The following BRCA1 variants were observed in gnomAD, a reference collection of about 807,000 sequenced individuals.
The protein encoded by BRCA1 is BRCA1 DNA repair associated.
A neutral mutation model predicts 173.7 loss-of-function variants in BRCA1; 140 were observed. The observed-to-expected ratio is 0.81, with a 90% CI of 0.70 to 0.93. The LOEUF (loss-of-function observed/expected upper bound fraction) is 0.93, where lower values mean the gene tolerates loss of function less well. BRCA1 is among the 40% of genes least tolerant of loss of function. The pLI is 0.00. For synonymous variants in BRCA1, 662 were observed against 756.0 expected, an observed-to-expected ratio of 0.88 and a Z score of 2.04; for missense variants, 1,983 against 2,172.5, an observed-to-expected ratio of 0.91 and a Z score of 1.73.
chr17:43,112,178 C>T lies in BRCA1; in HGVS notation c.134+3548G>A, dbSNP rs1001613887. On this transcript the variant is annotated intron_variant, in intron 3 of 22. Transcript: ENST00000357654. ...GATCTCAACTCACTGCAGCCTCTGC[C>T]TCCTGGGTTCAAGAGGTTCCTCTGC... 2.0e-5 allele frequency among the ~76,000 whole-genome samples: 3 copies of T among 152,062 alleles called. No individual in the cohort carries two copies. The East Asian group carries it at 5.8e-4, about 29-fold the overall frequency.
At chr17:43,064,635 C>T (rs2051974018) in intron 16 of BRCA1, among the ~76,000 whole-genome samples, 1 of 152,168 alleles carries the variant, frequency 6.6e-6, no homozygotes, top group Non-Finnish European at 1.5e-5. Context: ...AGCAGGCTAT[C>T]TGCAAGCAGC....
intron 1 of BRCA1, chr17:43,164,264 C>T (rs1282235647): frequency 6.6e-6 from 1 of 152,166 alleles, no homozygotes; most frequent in Non-Finnish European, 1.5e-5. Flanking sequence ...GTCCACAGAA[C>T]GTTGGACCAA....
chr17:43,104,385 C>A, intron 5 of BRCA1, 124 bp from the exon 6 acceptor site: 2 of 1,081,228 alleles, frequency 1.8e-6, no homozygotes, highest in Non-Finnish European at 1.3e-6. Flanking sequence ...ATTAAGGTTA[C>A]CTGTGATTTT....
chr17:43,091,272 C>T, intron 10 of BRCA1, 163 bp downstream of exon 10: 1 of 1,026,052 alleles, frequency 9.7e-7, no homozygotes, highest in Non-Finnish European at 1.5e-6. Context: ...GTGTGAAGGA[C>T]TTTTTTCTAT....
chr17:43,151,177 A>G (rs371704637), intron 1 of BRCA1, among the ~76,000 whole-genome samples: 18 of 152,348 alleles, frequency 1.2e-4, no homozygotes, highest in African/African-American at 4.3e-4. Context: ...GACTTTGGGT[A>G]TCTATTTACA....
chr17:43,096,007 C>T, intron 8 of BRCA1, 85 bp from the exon 9 acceptor site: 5 of 1,130,436 alleles, frequency 4.4e-6, no homozygotes, highest in Non-Finnish European at 6.6e-6. Flanking sequence ...AACATTTTAG[C>T]TCTTTCGATT....
At position 43,094,294 on chromosome 17, in the gene BRCA1, A is replaced by G. The variant is rs574008372; in HGVS notation, c.1237T>C (p.Leu413=). ...TCATCTACCTCATTTAGAACGTCCAATACATCAGCTACTTTGGCATTTGAT... is the reference window on the plus strand; with the variant it reads ...TCATCTACCTCATTTAGAACGTCCAGTACATCAGCTACTTTGGCATTTGAT... ...SESNAKVADV[L]DVLNEVDEYS... The change falls in exon 10 of 23, where the codon TTG becomes CTG. Residue 413 remains leucine, a synonymous_variant. Coordinates refer to ENST00000357654, the MANE Select transcript of BRCA1 (RefSeq NM_007294.4). The G allele has an allele frequency of 6.2e-6, 10 of 1,614,148 alleles. No individual in the cohort carries two copies. In the African/African-American group the frequency reaches 1.2e-4, roughly 19 times the overall value.
At chr17:43,125,002 G>A (rs1400821979) in intron 1 of BRCA1, 1 of 377,134 alleles carries the variant, frequency 2.7e-6, no homozygotes, top group Non-Finnish European at 5.4e-6. Flanking sequence ...CGTTTTTAAA[G>A]ACATAGTGTC....
intron 1 of BRCA1, among the ~76,000 whole-genome samples, chr17:43,158,999 G>A (rs1358782748): frequency 1.3e-5 from 2 of 152,200 alleles, no homozygotes; most frequent in East Asian, 3.8e-4. Flanking sequence ...ACTTTGAGAG[G>A]CCAAGGTGGG....
chr17:43,102,859 T>C (rs2054553762), intron 6 of BRCA1, among the ~76,000 whole-genome samples: 1 of 152,084 alleles, frequency 6.6e-6, no homozygotes, highest in South Asian at 2.1e-4. Context: ...CTTGCTATGT[T>C]GCCCAAACTG....
Position 43,103,038 on chromosome 17 carries a change from T to C in BRCA1, c.441+1084A>G, listed in dbSNP as rs182572487. 2.0e-5 allele frequency among the ~76,000 whole-genome samples: 3 copies of C among 152,184 alleles called. No homozygotes were observed. In the East Asian group the frequency reaches 5.8e-4, roughly 29 times the overall value. Reference sequence around the variant, plus strand: ...CTCCTACCTCAGCCTCCCAAAGGGTTGGGATTATAGGCATGAGCCATGGCA... The same window carrying C: ...CTCCTACCTCAGCCTCCCAAAGGGTCGGGATTATAGGCATGAGCCATGGCA... On this transcript the variant is annotated intron_variant, in intron 6 of 22. Coordinates refer to ENST00000357654, the MANE Select transcript of BRCA1 (RefSeq NM_007294.4).
chr17:43,148,825 A>C (rs1419390437), intron 1 of BRCA1: 1 of 168,174 alleles, frequency 5.9e-6, no homozygotes, highest in Non-Finnish European at 1.5e-5. Flanking sequence ...CCATCACAAC[A>C]ACCACTATCT....
chr17:43,135,261 C>T (rs953530740), intron 1 of BRCA1, among the ~76,000 whole-genome samples: 3 of 152,188 alleles, frequency 2.0e-5, no homozygotes, highest in African/African-American at 7.2e-5. Context: ...GCCCCCTGGC[C>T]GATCCGCAGG....
At chr17:43,098,854 G>A (rs1408009334) in intron 7 of BRCA1, among the ~76,000 whole-genome samples, 1 of 135,184 alleles carries the variant, frequency 7.4e-6, no homozygotes, top group Non-Finnish European at 1.6e-5. Flanking sequence ...TTTCACTCTT[G>A]TTGCCTAGGC....
At position 43,106,534 on chromosome 17, in the gene BRCA1, C is replaced by A. The variant is rs80358158; in HGVS notation, c.135-1G>T. The A allele has an allele frequency of 4.4e-6, 7 of 1,583,254 alleles. No individual in the cohort carries two copies. Among genetic ancestry groups the A allele is most frequent in the Non-Finnish European group, 6.1e-6 (7 of 1,153,704 alleles). ...GTTGAGAAGTTTCAGCATGCAAAAT[C>A]TATAAATTATAAAGAAAGAAAGAAC... is the stretch of plus-strand genomic sequence containing the variant. On this transcript the variant is annotated splice_acceptor_variant, in intron 3 of 22. Coordinates refer to ENST00000357654, the MANE Select transcript of BRCA1 (RefSeq NM_007294.4). LOFTEE classifies it high-confidence loss of function.
chr17:43,145,357 C>T (rs1422750820), intron 1 of BRCA1: 12 of 414,906 alleles, frequency 2.9e-5, no homozygotes, highest in Non-Finnish European at 4.9e-5. Flanking sequence ...GACAGAGTCT[C>T]GCTCTGTCGC....
At chr17:43,101,440 C>A (rs2054470638) in intron 6 of BRCA1, among the ~76,000 whole-genome samples, 2 of 152,010 alleles carry the variant, frequency 1.3e-5, no homozygotes, top group South Asian at 4.1e-4. Flanking sequence ...CGAGATCCAC[C>A]CGCCTTGGCC....
intron 1 of BRCA1, among the ~76,000 whole-genome samples, chr17:43,135,328 C>T (rs73307365): frequency 0.015 from 2,239 of 152,350 alleles, 45 homozygotes; most frequent in African/African-American, 0.051. Flanking sequence ...CAAGCACAGG[C>T]CTGCAAGAAC....
At chr17:43,106,790 A>C (rs552684496) in intron 3 of BRCA1, among the ~76,000 whole-genome samples, 1 of 152,350 alleles carries the variant, frequency 6.6e-6, no homozygotes. Context: ...GATCACATAA[A>C]ACTTAATAAA....
Sources: gnomAD v4.1 joint callset for allele counts (sites outside exome capture counted in the v4.1 genomes callset) on GRCh38, gnomAD v4.1.1 for gene constraint, MANE v1.5 for transcripts, NCBI Gene and HGNC (gene_info 2026-07-23, HGNC 2026-07-21) for gene names.